The following PNKD variants were observed in gnomAD, a reference collection of about 807,000 sequenced individuals.
PNKD encodes PNKD metallo-beta-lactamase domain containing.
In PNKD, 36 loss-of-function variants were observed where a neutral mutation model predicts 45.3. The ratio of observed to expected loss-of-function variants is 0.80; its 90% confidence interval spans 0.61 to 1.05. The LOEUF is 1.05. Among genes scored for constraint, PNKD ranks in the 50% least tolerant of loss-of-function variants. The pLI is 0.00. For missense variants in PNKD, 511 were observed against 506.6 expected, an observed-to-expected ratio of 1.01 and a Z score of -0.08; for synonymous variants, 197 against 210.1, an observed-to-expected ratio of 0.94 and a Z score of 0.54.
At chr2:218,282,178 G>C (rs764156509) in intron 2 of PNKD, 25 of 1,426,968 alleles carry the variant, frequency 1.8e-5, no homozygotes, top group Non-Finnish European at 2.2e-5. Context: ...CCAGCTGCTG[G>C]GACCTGAAAT....
chr2:218,277,434 C>T (rs1172672436), intron 2 of PNKD: 12 of 1,614,006 alleles, frequency 7.4e-6, no homozygotes, highest in East Asian at 2.2e-5. Flanking sequence ...GCAATGATGA[C>T]GGCTTTGGTT....
chr2:218,324,074 T>G (rs1694072758), intron 2 of PNKD, among the ~76,000 whole-genome samples: 1 of 152,178 alleles, frequency 6.6e-6, no homozygotes, highest in South Asian at 2.1e-4. Flanking sequence ...TTCCAGTGAT[T>G]TGTCTCCGTC....
At chr2:218,328,210 T>A (rs1694212049) in intron 2 of PNKD, among the ~76,000 whole-genome samples, 1 of 152,180 alleles carries the variant, frequency 6.6e-6, no homozygotes, top group Non-Finnish European at 1.5e-5. Flanking sequence ...CTGGGCTAAT[T>A]CTGTTTCTGC....
At chr2:218,324,182 G>A (rs570843115) in intron 2 of PNKD, among the ~76,000 whole-genome samples, 1 of 152,248 alleles carries the variant, frequency 6.6e-6, no homozygotes, top group Admixed American at 6.5e-5. Context: ...TCAGCCCCAG[G>A]GACACTGAGA....
intron 2 of PNKD, among the ~76,000 whole-genome samples, chr2:218,288,223 T>C (rs1692673457): frequency 6.6e-6 from 1 of 152,088 alleles, no homozygotes. Flanking sequence ...GGTCAGGAGA[T>C]CGAGACCATC....
At chr2:218,308,663 C>T (rs1002149954) in intron 2 of PNKD, among the ~76,000 whole-genome samples, 19 of 151,162 alleles carry the variant, frequency 1.3e-4, no homozygotes, top group Non-Finnish European at 2.5e-4. Context: ...CTCGGCTCAC[C>T]GCAACCTCCA....
chr2:218,309,416 C>CAAAAA (rs10553302), intron 2 of PNKD, among the ~76,000 whole-genome samples: 7 of 54,466 alleles, frequency 1.3e-4, no homozygotes, highest in African/African-American at 5.5e-4. Context: ...GACTCCGCCT[C>CAAAAA]AAAAAAAAAA....
At chr2:218,333,099 C>G (rs1254965284) in intron 2 of PNKD, among the ~76,000 whole-genome samples, 1 of 152,218 alleles carries the variant, frequency 6.6e-6, no homozygotes, top group Admixed American at 6.5e-5. Context: ...TCCGGCCACT[C>G]TTTTCCACCC....
intron 2 of PNKD, among the ~76,000 whole-genome samples, chr2:218,328,422 C>A (rs531435877): frequency 2.0e-5 from 3 of 152,264 alleles, no homozygotes; most frequent in African/African-American, 7.2e-5. Context: ...TTATGTTCAC[C>A]CTAGTTCACA....
chr2:218,281,141 G>GTTTTTTTTTTGTTTTTTTTTTTTTTGGT (rs1574643362), intron 2 of PNKD: 3 of 95,696 alleles, frequency 3.1e-5, no homozygotes, highest in Non-Finnish European at 1.8e-5. Flanking sequence ...TTTTTTTTTG[G>GTTTTTTTTTTGTTTTTTTTTTTTTTGGT]TTTTTTTTTT....
chr2:218,298,924 C>CA (rs1219598151), intron 2 of PNKD, among the ~76,000 whole-genome samples: 1 of 152,068 alleles, frequency 6.6e-6, no homozygotes, highest in Non-Finnish European at 1.5e-5. Context: ...CTCTTATTCC[C>CA]AACCCACGAT....
intron 7 of PNKD, 149 bp from the exon 8 acceptor site, chr2:218,343,351 A>C: frequency 9.9e-6 from 7 of 709,566 alleles, no homozygotes; most frequent in African/African-American, 1.7e-5. Context: ...TGAGGAGGGA[A>C]TAGATGCCTG....
intron 2 of PNKD, among the ~76,000 whole-genome samples, chr2:218,306,510 G>A (rs944702736): frequency 6.6e-6 from 1 of 152,144 alleles, no homozygotes; most frequent in African/African-American, 2.4e-5. Context: ...GGGTAATCAC[G>A]GTTAATCCTC....
intron 1 of PNKD, 63 bp from the exon 2 acceptor site, chr2:218,271,318 C>T: frequency 2.1e-6 from 3 of 1,448,800 alleles, no homozygotes; most frequent in Middle Eastern, 4.0e-4. Context: ...CTTACTGCCC[C>T]CCACCTCCCC....
At chr2:218,323,264 C>G (rs1461115674) in intron 2 of PNKD, 1 of 1,524,020 alleles carries the variant, frequency 6.6e-7, no homozygotes, top group Admixed American at 2.0e-5. Context: ...TGCCTGCCCC[C>G]AGCATGGCTT....
rs1304185098 is a variant in PNKD, at chr2:218,300,593, T to C, written c.236+29044T>C. ...TGGAGTCTCGCTCTGTTGCCCAGGC[T>C]GGAGTGCAGTGGTGCGATCTCAGCT... On this transcript the variant is annotated intron_variant, in intron 2 of 9. Coordinates refer to ENST00000273077, the MANE Select transcript of PNKD (RefSeq NM_015488.5). 2.0e-5 allele frequency among the ~76,000 whole-genome samples: 3 copies of C among 151,130 alleles called. No individual in the cohort carries two copies. The East Asian group carries it at 5.8e-4, about 29-fold the overall frequency.
intron 2 of PNKD, among the ~76,000 whole-genome samples, chr2:218,298,455 T>G (rs1332287261): frequency 1.3e-5 from 2 of 152,216 alleles, no homozygotes; most frequent in Non-Finnish European, 2.9e-5. Context: ...TTAGGCATAT[T>G]ACTTAACTGC....
At chr2:218,271,613 G>A in intron 2 of PNKD, 64 bp downstream of exon 2, 1 of 1,446,766 alleles carries the variant, frequency 6.9e-7, no homozygotes, top group Non-Finnish European at 9.6e-7. Context: ...GCAGGACTTA[G>A]AAACTTCTCC....
In PNKD at chr2:218,315,057, T is replaced by TCTTTCTTC. The variant is rs61429059; in HGVS notation, c.237-24723_237-24722insTCTTCCTT. The stretch of plus-strand genomic sequence containing the variant: ...CTTTCTTTTTCTTTCTTTCTTTCTT[T>TCTTTCTTC]CTTCCTTCCTTCCTTCCTTTCTTTC... On this transcript the variant is annotated intron_variant, in intron 2 of 9. Coordinates refer to ENST00000273077, the MANE Select transcript of PNKD (RefSeq NM_015488.5). Among the ~76,000 whole-genome samples, 314 of 55,594 alleles carry TCTTTCTTC rather than the reference T, an allele frequency of 5.6e-3. 18 individuals are homozygous for TCTTTCTTC. The highest frequency in any genetic ancestry group is 0.012 in the African/African-American group (200 of 16,694). 36.5% of individuals were successfully genotyped at this position (55,594 alleles called of 152,430 possible). A position where few individuals can be genotyped will look rare whatever the true frequency, so the allele number is the denominator to read the frequency against.
Sources: gnomAD v4.1 joint callset for allele counts (sites outside exome capture counted in the v4.1 genomes callset) on GRCh38, gnomAD v4.1.1 for gene constraint, MANE v1.5 for transcripts, NCBI Gene and HGNC (gene_info 2026-07-23, HGNC 2026-07-21) for gene names.